Variants in DOCK3 observed in about 807,000 individuals in gnomAD.
DOCK3 encodes the protein dedicator of cytokinesis protein 3.
DOCK3 carries 60 observed loss-of-function variants against 265.6 expected under a neutral mutation model. The observed-to-expected ratio is 0.23, with a 90% CI of 0.18 to 0.28. The LOEUF (loss-of-function observed/expected upper bound fraction) is 0.28. Among genes scored for constraint, DOCK3 ranks in the 10% least tolerant of loss-of-function variants. The probability of loss-of-function intolerance (pLI) is 1.00; values close to 1 mark genes in which losing one functional copy is unlikely to be tolerated. For missense variants in DOCK3, 1,981 were observed against 2,594.3 expected (o/e 0.76, Z 5.14); for synonymous variants, 881 against 938.0 (o/e 0.94, Z 1.11).
chr3:50,808,335 T>C (rs2043550457), intron 2 of DOCK3, among the ~76,000 whole-genome samples: 1 of 152,214 alleles, frequency 6.6e-6, no homozygotes. Context: ...GCAGGCTTTT[T>C]TTGGGTATGG....
intron 4 of DOCK3, chr3:50,901,098 C>T: frequency 7.1e-6 from 2 of 280,166 alleles, no homozygotes; most frequent in Non-Finnish European, 1.4e-5. Context: ...CCTAGGTGCT[C>T]TGTCCCAGGG....
chr3:50,937,425 C>A (rs926291373), intron 5 of DOCK3, among the ~76,000 whole-genome samples: 1 of 151,750 alleles, frequency 6.6e-6, no homozygotes, highest in East Asian at 1.9e-4. Flanking sequence ...GAGGCCGAGG[C>A]GGGCAGATCA....
chr3:51,358,394 A>G (rs2086508778), intron 46 of DOCK3, among the ~76,000 whole-genome samples: 1 of 152,174 alleles, frequency 6.6e-6, no homozygotes, highest in African/African-American at 2.4e-5. Flanking sequence ...TATGGCCCAC[A>G]TGTAGGGATC....
At chr3:51,353,842 C>T (rs1276825482) in intron 40 of DOCK3, among the ~76,000 whole-genome samples, 1 of 151,744 alleles carries the variant, frequency 6.6e-6, no homozygotes, top group African/African-American at 2.4e-5. Flanking sequence ...GTGCCTGATA[C>T]CATTTTGTTG....
At chr3:51,034,285 A>G (rs182512764) in intron 5 of DOCK3, among the ~76,000 whole-genome samples, 6 of 152,160 alleles carry the variant, frequency 3.9e-5, no homozygotes, top group Admixed American at 2.6e-4. Context: ...CTAGCATTTC[A>G]TTAGCTTGTT....
chr3:50,893,187 C>A, intron 4 of DOCK3: 1 of 227,458 alleles, frequency 4.4e-6, no homozygotes, highest in Non-Finnish European at 8.9e-6. Context: ...GGCCCCAAAG[C>A]AAAGCTGCAA....
At chr3:50,808,475 G>A (rs1308702719) in intron 2 of DOCK3, among the ~76,000 whole-genome samples, 1 of 152,192 alleles carries the variant, frequency 6.6e-6, no homozygotes, top group Non-Finnish European at 1.5e-5. Flanking sequence ...CATTAAGACT[G>A]TGATTTGGGG....
intron 10 of DOCK3, among the ~76,000 whole-genome samples, chr3:51,153,731 A>C (rs555578560): frequency 6.6e-6 from 1 of 152,236 alleles, no homozygotes; most frequent in Non-Finnish European, 1.5e-5. Context: ...AACTTAGAAA[A>C]GGTTTGGAAA....
At chr3:50,888,089 A>T (rs1472750971) in intron 3 of DOCK3, among the ~76,000 whole-genome samples, 1 of 152,174 alleles carries the variant, frequency 6.6e-6, no homozygotes, top group Non-Finnish European at 1.5e-5. Flanking sequence ...TGCAGATGAC[A>T]TGATTGTATA....
At chr3:50,882,800 A>G (rs1449580047) in intron 3 of DOCK3, among the ~76,000 whole-genome samples, 2 of 152,236 alleles carry the variant, frequency 1.3e-5, no homozygotes, top group Non-Finnish European at 2.9e-5. Context: ...TCATGCTGCT[A>G]TAAAGACACA....
intron 12 of DOCK3, among the ~76,000 whole-genome samples, chr3:51,162,857 AAAAT>A (rs1210384593): frequency 6.6e-6 from 1 of 152,222 alleles, no homozygotes; most frequent in Non-Finnish European, 1.5e-5. Flanking sequence ...AAAGATGAAA[AAAAT>A]ATGTTTATAG....
intron 1 of DOCK3, among the ~76,000 whole-genome samples, chr3:50,695,488 A>G (rs2107772299): frequency 6.6e-6 from 1 of 152,322 alleles, no homozygotes; most frequent in African/African-American, 2.4e-5. Context: ...TTTCTGACCC[A>G]GTCAGATGTA....
Position 51,356,487 on chromosome 3 carries a change from G to A in DOCK3, c.4497G>A (p.Arg1499=), listed in dbSNP as rs1281112451. ...CTCGGTGGTTTGAAGTGGAGAGGAG[G>A]GAACTGGTGAGACATGTCTCAGATG... ...GISRWFEVER[R]ELVEVSPLEN... The change falls in exon 43 of 53, where the codon AGG becomes AGA. Residue 1499 remains arginine (R), a synonymous_variant. Coordinates refer to ENST00000266037, the MANE Select transcript of DOCK3 (RefSeq NM_004947.5). 1 of 1,601,102 alleles carries A rather than the reference G, an allele frequency of 6.2e-7. No individual in the cohort carries two copies.
At chr3:51,228,523 T>C (rs1181011141) in intron 17 of DOCK3, 138 bp from the exon 18 acceptor site, 3 of 915,342 alleles carry the variant, frequency 3.3e-6, no homozygotes, top group Admixed American at 2.9e-5. Flanking sequence ...GAACAGAAAG[T>C]ACTCTTCCAA....
At chr3:51,356,536 A>G in intron 43 of DOCK3, 43 bp downstream of exon 43, 1 of 1,588,318 alleles carries the variant, frequency 6.3e-7, no homozygotes, top group Non-Finnish European at 8.6e-7. Flanking sequence ...CAACTGCTCC[A>G]TCAGCCCCAG....
rs572518389 is a variant in DOCK3 at position 51,339,061 on chromosome 3, C to A, written c.3766+33C>A. 5.7e-5 allele frequency: 86 copies of A among 1,513,312 alleles called. 3 individuals are homozygous for A. The South Asian group carries it at 1.1e-3, about 20-fold the overall frequency. 93.7% of individuals were successfully genotyped at this position (1,513,312 alleles called of 1,614,324 possible). ...GGGAGAAGAGAGAGCCATGCCTGACCATGAGGACAAACTGAAGGGATTTGT... is the reference window on the plus strand; with the variant it reads ...GGGAGAAGAGAGAGCCATGCCTGACAATGAGGACAAACTGAAGGGATTTGT... On this transcript the variant is annotated intron_variant, in intron 37 of 52. Transcript: ENST00000266037.
At chr3:50,864,708 C>G (rs2047061292) in intron 3 of DOCK3, among the ~76,000 whole-genome samples, 1 of 152,012 alleles carries the variant, frequency 6.6e-6, no homozygotes, top group South Asian at 2.1e-4. Context: ...ACTCCTTTCT[C>G]CAATGTATAT....
intron 4 of DOCK3, among the ~76,000 whole-genome samples, chr3:50,920,930 G>T (rs898861335): frequency 6.6e-6 from 1 of 152,166 alleles, no homozygotes; most frequent in African/African-American, 2.4e-5. Context: ...ATGTGTCCCA[G>T]AGATTCTGGT....
intron 27 of DOCK3, among the ~76,000 whole-genome samples, chr3:51,306,920 T>TTG (rs2082718847): frequency 6.6e-6 from 1 of 152,222 alleles, no homozygotes; most frequent in Non-Finnish European, 1.5e-5. Flanking sequence ...ATTTACTTCT[T>TTG]TTTGCCCGTG....
Sources: allele counts gnomAD v4.1 joint callset (sites outside exome capture counted in the v4.1 genomes callset), GRCh38; gene constraint gnomAD v4.1.1; transcripts MANE v1.5; gene names NCBI Gene and HGNC (gene_info 2026-07-23, HGNC 2026-07-21).